Variants in SBF2 observed in about 807,000 individuals in gnomAD.
The protein encoded by SBF2 is myotubularin-related protein 13.
Under a neutral mutation model 225.2 loss-of-function variants are expected in SBF2, and 112 were observed. The observed-to-expected ratio is 0.50, with a 90% CI of 0.43 to 0.58. SBF2 has a LOEUF of 0.58. SBF2 is among the 20% of genes least tolerant of loss of function. The pLI is 0.00. For missense variants in SBF2, 1,996 were observed against 2,206.2 expected, an observed-to-expected ratio of 0.90 and a Z score of 1.91; for synonymous variants, 763 against 773.3, an observed-to-expected ratio of 0.99 and a Z score of 0.22.
At chr11:9,822,406 G>A (rs1249622651) in intron 28 of SBF2, among the ~76,000 whole-genome samples, 4 of 152,068 alleles carry the variant, frequency 2.6e-5, no homozygotes, top group East Asian at 3.9e-4. Flanking sequence ...GACTACAGGC[G>A]CCCGCCACCA....
At chr11:9,872,560 T>A (rs1858864592) in intron 17 of SBF2, among the ~76,000 whole-genome samples, 2 of 152,154 alleles carry the variant, frequency 1.3e-5, no homozygotes, top group African/African-American at 4.8e-5. Context: ...GCAAAGATAC[T>A]CAATATTATT....
At chr11:9,967,907 CTCAA>C (rs1354389136) in intron 14 of SBF2, among the ~76,000 whole-genome samples, 2 of 146,520 alleles carry the variant, frequency 1.4e-5, no homozygotes, top group Non-Finnish European at 3.0e-5. Context: ...AAGGGTGAAA[CTCAA>C]TCTGTCTGTC....
At chr11:10,007,695 C>T (rs1017392729) in intron 6 of SBF2, among the ~76,000 whole-genome samples, 16 of 152,076 alleles carry the variant, frequency 1.1e-4, no homozygotes, top group African/African-American at 2.7e-4. Context: ...CAAAAGATGA[C>T]GGCTCAAACC....
At chr11:10,219,438 T>A (rs1958258807) in intron 1 of SBF2, among the ~76,000 whole-genome samples, 1 of 152,192 alleles carries the variant, frequency 6.6e-6, no homozygotes, top group African/African-American at 2.4e-5. Context: ...CCTAGGCCTC[T>A]GGATCTGTGA....
Position 9,829,395 on chromosome 11 carries a change from T to A in SBF2, c.3754A>T (p.Ser1252Cys), listed in dbSNP as rs139967004. The A allele has an allele frequency of 1.5e-4, 246 of 1,614,152 alleles. No individual in the cohort carries two copies. In the East Asian group the frequency reaches 3.6e-3, roughly 24 times the overall value. ...AAGGCTGGCCTGACAGTAAGAGTGC[T>A]GTTGCCTCTGAGTTTCTGATGGACA... ...VSVHQKLRGN[S>C]TLTVRPAFAL... is the part of the protein sequence containing the mutation. Residue 1252 changes from serine (S) to cysteine (C), a missense_variant, in exon 28 of 40, where the codon AGC becomes TGC. Physicochemically the swap from Ser to Cys is moderately radical, Grantham distance 112. Transcript: ENST00000256190.
intron 2 of SBF2, among the ~76,000 whole-genome samples, chr11:10,059,436 G>T (rs2134747909): frequency 6.6e-6 from 1 of 151,984 alleles, no homozygotes; most frequent in East Asian, 1.9e-4. Flanking sequence ...ATGATAAAGG[G>T]TTCAATTCAA....
At chr11:9,783,259 T>C (rs182877570) in intron 38 of SBF2, 3 of 152,334 alleles carry the variant, frequency 2.0e-5, no homozygotes, top group East Asian at 1.9e-4. Flanking sequence ...ATTTGTATAT[T>C]TGAACATAAA....
chr11:9,894,849 G>A (rs1861111380), intron 17 of SBF2, among the ~76,000 whole-genome samples: 2 of 152,000 alleles, frequency 1.3e-5, no homozygotes, highest in Non-Finnish European at 2.9e-5. Context: ...AAGTGTGGTG[G>A]TACATGCCTA....
rs1284332254 is a variant in SBF2, at chr11:9,778,743, G to A, written c.*1675C>T. The A allele has an allele frequency of 6.6e-6, 1 of 152,628 alleles. No individual in the cohort carries two copies. The highest frequency in any genetic ancestry group is 1.9e-4 in the East Asian group (1 of 5,202). 9.5% of individuals were successfully genotyped at this position (152,628 alleles called of 1,614,324 possible). ...TGAGTGTTACCCTCCTGAATGCTGT[G>A]CACTACAGAATGAACTTTAGTTCAC... is the stretch of plus-strand genomic sequence containing the variant. On this transcript the variant is annotated 3_prime_UTR_variant, in exon 40 of 40. Coordinates refer to ENST00000256190, the MANE Select transcript of SBF2 (RefSeq NM_030962.4).
At chr11:9,949,743 T>C (rs2134320986) in intron 16 of SBF2, among the ~76,000 whole-genome samples, 1 of 152,268 alleles carries the variant, frequency 6.6e-6, no homozygotes, top group East Asian at 1.9e-4. Flanking sequence ...TGTATCTATC[T>C]GATTTTGGAA....
At chr11:10,108,638 C>T (rs1273204808) in intron 2 of SBF2, among the ~76,000 whole-genome samples, 2 of 149,480 alleles carry the variant, frequency 1.3e-5, no homozygotes, top group East Asian at 2.0e-4. Context: ...CATTCTCCTG[C>T]CTCAGCCTCC....
chr11:10,301,975 A>T (rs1381465689), intron 1 of SBF2, among the ~76,000 whole-genome samples: 1 of 152,244 alleles, frequency 6.6e-6, no homozygotes, highest in African/African-American at 2.4e-5. Context: ...GATCTTCATT[A>T]ACAAGGATTT....
chr11:9,911,894 A>G (rs1564991152), intron 16 of SBF2, among the ~76,000 whole-genome samples: 1 of 152,268 alleles, frequency 6.6e-6, no homozygotes, highest in Non-Finnish European at 1.5e-5. Context: ...GCTATACCAT[A>G]TAACCTAGGC....
At chr11:9,908,499 C>T (rs907115074) in intron 16 of SBF2, among the ~76,000 whole-genome samples, 2 of 152,140 alleles carry the variant, frequency 1.3e-5, no homozygotes, top group Admixed American at 6.5e-5. Flanking sequence ...TGGTGGCGGG[C>T]GCCTGTAGTC....
In SBF2 at chr11:9,893,754, T is replaced by C. The variant is rs113611301; in HGVS notation, c.1929+2189A>G. ...TCTCTTGAAATTCGATGCCATCCAGTGGCCACAACACCTCTCCAACATGAT... is the reference window on the plus strand; with the variant it reads ...TCTCTTGAAATTCGATGCCATCCAGCGGCCACAACACCTCTCCAACATGAT... On this transcript the variant is annotated intron_variant, in intron 17 of 39. Coordinates refer to ENST00000256190, the MANE Select transcript of SBF2 (RefSeq NM_030962.4). 3.2e-3 allele frequency among the ~76,000 whole-genome samples: 492 copies of C among 152,336 alleles called. 1 individual carries two copies. The highest frequency in any genetic ancestry group is 6.0e-3 in the Admixed American group (92 of 15,310).
At chr11:10,114,743 A>G (rs1228809250) in intron 2 of SBF2, among the ~76,000 whole-genome samples, 3 of 152,184 alleles carry the variant, frequency 2.0e-5, no homozygotes, top group African/African-American at 7.2e-5. Context: ...CTTTTTGTCT[A>G]TAATCATTTC....
chr11:10,093,397 C>A (rs192131602), intron 2 of SBF2, among the ~76,000 whole-genome samples: 198 of 137,278 alleles, frequency 1.4e-3, no homozygotes, highest in African/African-American at 2.7e-3. Context: ...AAAAAAAAAA[C>A]AAAAAAAAAT....
At position 10,042,931 on chromosome 11, in the gene SBF2, C is replaced by A; in HGVS notation, c.192G>T (p.Thr64=). Residue 64 remains threonine (T), a synonymous_variant, in exon 3 of 40, where the codon ACG becomes ACT. Coordinates refer to ENST00000256190, the MANE Select transcript of SBF2 (RefSeq NM_030962.4). ...TGTCTGTCAGGACAACCACAAAGAA[C>A]GTTGGCTGCTTCCTCTCTCTGGACA... is the stretch of plus-strand genomic sequence containing the variant. ...WQLSRERKQP[T]FFVVVLTDID... is the part of the protein sequence containing the mutation. 1 of 1,613,944 alleles carries A rather than the reference C, an allele frequency of 6.2e-7. No individual in the cohort carries two copies. Among genetic ancestry groups the A allele is most frequent in the Non-Finnish European group, 8.5e-7 (1 of 1,179,890 alleles).
At chr11:9,817,995 G>T (rs1484728543) in intron 28 of SBF2, among the ~76,000 whole-genome samples, 1 of 152,106 alleles carries the variant, frequency 6.6e-6, no homozygotes, top group African/African-American at 2.4e-5. Flanking sequence ...GCCTAGGCTG[G>T]TGTGCAATGG....
Sources: gnomAD v4.1 joint callset for allele counts (sites outside exome capture counted in the v4.1 genomes callset) on GRCh38, gnomAD v4.1.1 for gene constraint, MANE v1.5 for transcripts, NCBI Gene and HGNC (gene_info 2026-07-23, HGNC 2026-07-21) for gene names.